WDR81: variants seen among roughly 807,000 people sequenced by gnomAD.
WDR81 encodes the protein WD repeat domain 81, also known as WD repeat-containing protein 81.
A neutral mutation model predicts 140.8 loss-of-function variants in WDR81; 92 were observed. The observed-to-expected ratio is 0.65, with a 90% confidence interval of 0.55 to 0.78. The LOEUF (loss-of-function observed/expected upper bound fraction) is 0.78, where lower values mean the gene tolerates loss of function less well. Ranked by LOEUF, WDR81 falls within the 30% of genes least tolerant of loss-of-function variation. WDR81 has a pLI of 0.00. For synonymous variants in WDR81, 1,183 were observed against 1,156.4 expected, an observed-to-expected ratio of 1.02 and a Z score of -0.47; for missense variants, 2,502 against 2,636.4, an observed-to-expected ratio of 0.95 and a Z score of 1.12.
Position 1,725,673 on chromosome 17 carries a change from ACAG to A in WDR81, c.715_717del (p.Gln239del). The A allele has an allele frequency of 6.5e-7, 1 of 1,548,234 alleles. No individual in the cohort carries two copies. On this transcript the variant is annotated inframe_deletion, in exon 1 of 10. Coordinates refer to ENST00000409644, the MANE Select transcript of WDR81 (RefSeq NM_001163809.2). Reference sequence around the variant, plus strand: ...TGCTGTATGTGGTACACCCTTACGTACAGTTCTCCCTACATGACGTGGTCACCT... The same window carrying A: ...TGCTGTATGTGGTACACCCTTACGTATTCTCCCTACATGACGTGGTCACCT...
In WDR81 at chr17:1,726,259, C is replaced by T. The variant is rs1399568063; in HGVS notation, c.1300C>T (p.Pro434Ser). 3 of 1,533,564 alleles carry T rather than the reference C, an allele frequency of 2.0e-6. No individual in the cohort carries two copies. The highest frequency in any genetic ancestry group is 4.9e-5 in the East Asian group (2 of 40,728). The allele number at this position is 1,533,564 out of a possible 1,614,324, so 95.0% of individuals were successfully genotyped here. ...FVAGGAGGGE[P>S]PHVPHHISDV... The stretch of plus-strand genomic sequence containing the variant: ...AGCAGGCGGGGCGGGCGGCGGGGAA[C>T]CCCCTCATGTTCCCCACCACATCTC... Residue 434 changes from proline to serine, a missense_variant, in exon 1 of 10, where the codon CCC (proline) becomes TCC (serine). Physicochemically the swap from Pro to Ser is moderately conservative, Grantham distance 74. Coordinates refer to ENST00000409644, the MANE Select transcript of WDR81 (RefSeq NM_001163809.2).
Position 1,725,918 on chromosome 17 carries a change from C to T in WDR81, c.959C>T (p.Ala320Val). The T allele has an allele frequency of 3.2e-6, 5 of 1,550,810 alleles. No individual in the cohort carries two copies. The highest frequency in any genetic ancestry group is 4.4e-6 in the Non-Finnish European group (5 of 1,146,966). Residue 320 changes from alanine to valine, a missense_variant, in exon 1 of 10, where the codon GCA (alanine) becomes GTA (valine). Around this residue, in one of 3 missense-constraint regions of WDR81, gnomAD observed 547 missense variants for 513.8 expected, o/e 1.06. Transcript: ENST00000409644. ...EEDENEEAPV[A>V]RDEAGIVSQE... ...GACGAGAATGAGGAGGCCCCTGTGG[C>T]AAGGGATGAGGCGGGCATTGTGTCT...
chr17:1,719,685 C>A (rs1165398451), intron 1 of WDR81, among the ~76,000 whole-genome samples: 1 of 149,808 alleles, frequency 6.7e-6, no homozygotes, highest in Non-Finnish European at 1.5e-5. Flanking sequence ...GGCAACGTGG[C>A]AAGACCCTCT....
In WDR81 at chr17:1,725,057, G is replaced by T; in HGVS notation, c.98G>T (p.Ser33Ile). The change falls in exon 1 of 10, where the codon AGC (serine) becomes ATC (isoleucine). Residue 33 changes from serine (S) to isoleucine (I), a missense_variant. By Grantham distance (142) the Ser-to-Ile change is moderately radical. Coordinates refer to ENST00000409644, the MANE Select transcript of WDR81 (RefSeq NM_001163809.2). ...PSPDMQELLRSVERDLSIDPR... is the reference protein window; with the variant it reads ...PSPDMQELLRIVERDLSIDPR... ...CCAGACATGCAGGAGCTGCTCCGGA[G>T]CGTGGAGAGGGACCTGAGCATCGAT... 6.7e-7 allele frequency: 1 copy of T among 1,482,620 alleles called. No individual in the cohort carries two copies. The highest frequency in any genetic ancestry group is 1.3e-5 in the South Asian group (1 of 75,308). 91.8% of individuals were successfully genotyped at this position (1,482,620 alleles called of 1,614,324 possible). A position where few individuals can be genotyped will look rare whatever the true frequency, so the allele number is the denominator to read the frequency against.
Position 1,726,368 on chromosome 17 carries a change from A to G in WDR81, c.1409A>G (p.Gln470Arg). The change falls in exon 1 of 10, where the codon CAG becomes CGG. Residue 470 changes from glutamine (Q) to arginine (R), a missense_variant. Physicochemically the swap from Gln to Arg is conservative, Grantham distance 43 (BLOSUM62 1). Transcript: ENST00000409644. ...RSVLCGHVRA[Q>R]WEPHEYPASM... ...GTGCTCTGCGGACACGTCCGCGCGC[A>G]GTGGGAGCCCCATGAGTATCCGGCC... 1 of 1,549,370 alleles carries G rather than the reference A, an allele frequency of 6.5e-7. No homozygotes were observed. Among genetic ancestry groups the G allele is most frequent in the Non-Finnish European group, 8.7e-7 (1 of 1,146,344 alleles).
At position 1,733,514 on chromosome 17, in the gene WDR81, C is replaced by T; in HGVS notation, c.4490-13C>T. ...ATCTTCCCTGTCTCAGGACCTCTCC[C>T]ACTCCTATCCAGGTGACATCATCCG... On this transcript the variant is annotated splice_polypyrimidine_tract_variant and intron_variant, in intron 6 of 9. Coordinates refer to ENST00000409644, the MANE Select transcript of WDR81 (RefSeq NM_001163809.2). 6.6e-7 allele frequency: 1 copy of T among 1,510,958 alleles called. No homozygotes were observed. Among genetic ancestry groups the T allele is most frequent in the Non-Finnish European group, 8.8e-7 (1 of 1,130,734 alleles). 93.6% of individuals were successfully genotyped at this position (1,510,958 alleles called of 1,614,324 possible). A position where few individuals can be genotyped will look rare whatever the true frequency, so the allele number is the denominator to read the frequency against.
Position 1,732,824 on chromosome 17 carries a change from C to A in WDR81, c.4482C>A (p.Cys1494Ter). Residue 1494 changes from cysteine (C) to a stop codon, truncating the protein, a stop_gained, in exon 6 of 10, where the codon TGC becomes TGA. Transcript: ENST00000409644. LOFTEE classifies it high-confidence loss of function. ...ACACAATCTACGTGCCCTTCTCCTGCCTGTTGGGTACTGCCCCATCACGTT... is the reference window on the plus strand; with the variant it reads ...ACACAATCTACGTGCCCTTCTCCTGACTGTTGGGTACTGCCCCATCACGTT... ...MAYTIYVPFS[C>*]LLGDIIRKII... The A allele has an allele frequency of 6.2e-7, 1 of 1,607,316 alleles. No individual in the cohort carries two copies. The highest frequency in any genetic ancestry group is 1.7e-5 in the Admixed American group (1 of 59,434).
At chr17:1,731,686 G>A (rs1344679646) in intron 4 of WDR81, among the ~76,000 whole-genome samples, 1 of 150,464 alleles carries the variant, frequency 6.6e-6, no homozygotes, top group African/African-American at 2.5e-5. Flanking sequence ...GGTGGATCAC[G>A]AGGTCAGGAG....
intron 9 of WDR81, 22 bp downstream of exon 9, chr17:1,736,240 C>T (rs1440309755): frequency 6.3e-7 from 1 of 1,586,836 alleles, no homozygotes; most frequent in Non-Finnish European, 8.5e-7. Context: ...GGTCTCCCTC[C>T]CCTTGCTGCC....
At position 1,732,685 on chromosome 17, in the gene WDR81, C is replaced by A; in HGVS notation, c.4343C>A (p.Ala1448Glu). ...TCATAGGATCTGAAGCTGGACCCTG[C>A]GGGCCGTGGTGAGGGCCAGCTGCCA... The part of the protein sequence containing the change: ...LRQQDLKLDP[A>E]GRGEGQLPQV... The change falls in exon 6 of 10, where the codon GCG becomes GAG. Residue 1448 changes from alanine to glutamate, a missense_variant. Ala to Glu is a moderately radical substitution (Grantham distance 107, BLOSUM62 -1). Coordinates refer to ENST00000409644, the MANE Select transcript of WDR81 (RefSeq NM_001163809.2). 1 of 1,607,638 alleles carries A rather than the reference C, an allele frequency of 6.2e-7. No individual in the cohort carries two copies. Among genetic ancestry groups the A allele is most frequent in the Non-Finnish European group, 8.5e-7 (1 of 1,177,092 alleles).
Position 1,730,502 on chromosome 17 carries a change from G to A in WDR81, c.3775+15G>A, listed in dbSNP as rs115209834. On this transcript the variant is annotated intron_variant, in intron 2 of 9. Transcript: ENST00000409644. ...TTGTTATGTTGGTAAGGAGGCCTGC[G>A]GTCAGTGCTGGAGATGAGGCTTTCT... 787 of 1,607,916 alleles carry A rather than the reference G, an allele frequency of 4.9e-4. 2 individuals are homozygous for A. In the African/African-American group the frequency reaches 9.2e-3, roughly 19 times the overall value.
Position 1,726,686 on chromosome 17 carries a change from C to T in WDR81, c.1727C>T (p.Ala576Val). ...LHLVDAHTHL[A>V]SYGVVQLFDQ... ...CTGGTGGACGCCCACACTCACCTGG[C>T]CAGCTACGGGGTGGTGCAGCTCTTC... The change falls in exon 1 of 10, where the codon GCC becomes GTC. Residue 576 changes from alanine to valine, a missense_variant. By Grantham distance (64) the Ala-to-Val change is moderately conservative. Around this residue, in one of 3 missense-constraint regions of WDR81, gnomAD observed 1,737 missense variants for 1,843.0 expected, o/e 0.94. Transcript: ENST00000409644. The T allele has an allele frequency of 6.5e-7, 1 of 1,549,818 alleles. No homozygotes were observed. Among genetic ancestry groups the T allele is most frequent in the African/African-American group, 1.4e-5 (1 of 73,180 alleles).
At chr17:1,733,459 T>A in intron 6 of WDR81, 68 bp from the exon 7 acceptor site, 1 of 1,456,834 alleles carries the variant, frequency 6.9e-7, no homozygotes, top group South Asian at 1.4e-5. Flanking sequence ...GGCTCCCGAG[T>A]CCTTGGATGG....
At chr17:1,717,535 T>A (rs1914642246) in intron 1 of WDR81, among the ~76,000 whole-genome samples, 1 of 152,196 alleles carries the variant, frequency 6.6e-6, no homozygotes, top group South Asian at 2.1e-4. Context: ...ATTCTGAGCC[T>A]GCGTTCAGGA....
exon 1 of WDR81, chr17:1,716,560 T>C: frequency 1.3e-6 from 2 of 1,551,266 alleles, no homozygotes; most frequent in Non-Finnish European, 8.7e-7. Context: ...AGCCACGGCG[T>C]CTGCGTTTGC....
At position 1,731,241 on chromosome 17, in the gene WDR81, C is replaced by T; in HGVS notation, c.4140C>T (p.Leu1380=). 1 of 1,613,390 alleles carries T rather than the reference C, an allele frequency of 6.2e-7. No individual in the cohort carries two copies. The highest frequency in any genetic ancestry group is 1.3e-5 in the African/African-American group (1 of 75,046). ...TCCTGCTGCCCGTGCTCAGCTTCCT[C>T]ACCTCCCTCGTCACGGGGTAGGCCT... The part of the protein sequence containing the change: ...HEVLLPVLSF[L]TSLVTGFPSG... The change falls in exon 4 of 10, where the codon CTC becomes CTT. Residue 1380 remains leucine, a synonymous_variant. Coordinates refer to ENST00000409644, the MANE Select transcript of WDR81 (RefSeq NM_001163809.2).
At chr17:1,718,976 G>A (rs1299824437) in intron 1 of WDR81, among the ~76,000 whole-genome samples, 4 of 152,160 alleles carry the variant, frequency 2.6e-5, no homozygotes, top group East Asian at 3.9e-4. Flanking sequence ...GGACATCCAC[G>A]TGGTCCCTGG....
At position 1,730,903 on chromosome 17, in the gene WDR81, G is replaced by A; in HGVS notation, c.3924G>A (p.Glu1308=). 6.2e-7 allele frequency: 1 copy of A among 1,613,262 alleles called. No individual in the cohort carries two copies. The highest frequency in any genetic ancestry group is 1.1e-5 in the South Asian group (1 of 91,090). ...CLLHIARLYG[E]PVLTYQYLPY... ...TCCACATCGCCCGCCTGTATGGGGAGCCTGTCCTCACCTACCAGTACCTGC... is the reference window on the plus strand; with the variant it reads ...TCCACATCGCCCGCCTGTATGGGGAACCTGTCCTCACCTACCAGTACCTGC... Residue 1308 remains glutamate (E), a synonymous_variant, in exon 3 of 10, where the codon GAG becomes GAA. Coordinates refer to ENST00000409644, the MANE Select transcript of WDR81 (RefSeq NM_001163809.2).
At chr17:1,724,680 T>TTTG (rs1915089792), upstream of WDR81, 1 of 1,060,794 alleles carries the variant, frequency 9.4e-7, no homozygotes, top group African/African-American at 1.7e-5. Context: ...GTTTCCGTGC[T>TTTG]GGGGCGATCA....
Sources: gnomAD v4.1 joint callset for allele counts (sites outside exome capture counted in the v4.1 genomes callset) on GRCh38, gnomAD v4.1.1 for gene constraint, gnomAD v4.1.1 regional missense constraint, MANE v1.5 for transcripts, NCBI Gene and HGNC (gene_info 2026-07-23, HGNC 2026-07-21) for gene names.